EVC: variants seen among roughly 807,000 people sequenced by gnomAD.
EVC encodes evC complex member EVC.
Under a neutral mutation model 118.9 loss-of-function variants are expected in EVC, and 116 were observed. That is an observed-to-expected ratio of 0.98 (90% CI 0.84 to 1.14). The LOEUF is 1.14. Among genes scored for constraint, EVC ranks in the 50% most tolerant of loss-of-function variants. EVC has a pLI of 0.00. For synonymous variants in EVC, 619 were observed against 534.7 expected (o/e 1.16, Z -2.18); for missense variants, 1,401 against 1,246.4 (o/e 1.12, Z -1.87).
chr4:5,828,468 C>T, the EVC span: 2 of 1,608,106 alleles, frequency 1.2e-6, no homozygotes, highest in South Asian at 1.1e-5. Context: ...GGTGGGCCCG[C>T]TCCCCTGCAG....
At chr4:5,795,126 C>A (rs563199699) in intron 13 of EVC, among the ~76,000 whole-genome samples, 1 of 152,194 alleles carries the variant, frequency 6.6e-6, no homozygotes, top group Non-Finnish European at 1.5e-5. Context: ...TTTATCCAAT[C>A]CACCATTGAT....
intron 1 of EVC, among the ~76,000 whole-genome samples, chr4:5,713,721 T>G (rs144604582): frequency 7.3e-6 from 1 of 136,698 alleles, no homozygotes; most frequent in East Asian, 2.1e-4. Context: ...CTGACCAACA[T>G]AGAGAAACCC....
chr4:5,787,224 G>A (rs567615394), intron 12 of EVC, among the ~76,000 whole-genome samples: 3 of 152,316 alleles, frequency 2.0e-5, no homozygotes, highest in Admixed American at 6.5e-5. Flanking sequence ...GTCCCCTTGC[G>A]GTAGGCAGCT....
chr4:5,729,260 T>C, intron 2 of EVC, 47 bp from the exon 3 acceptor site: 1 of 1,587,490 alleles, frequency 6.3e-7, no homozygotes. Flanking sequence ...AACTTATCCT[T>C]CATTTTACAG....
chr4:5,741,624 G>A (rs1434339726), intron 5 of EVC, 92 bp from the exon 6 acceptor site: 5 of 722,976 alleles, frequency 6.9e-6, no homozygotes, highest in African/African-American at 5.2e-5. Flanking sequence ...AGAGGCAGTG[G>A]GGGAGGGAGG....
At position 5,733,574 on chromosome 4, in the gene EVC, G is replaced by A. The variant is rs188183484; in HGVS notation, c.702+139G>A. The A allele has an allele frequency of 1.8e-5, 15 of 812,150 alleles. 1 individual carries two copies. In the East Asian group the frequency reaches 2.3e-4, roughly 12 times the overall value. 50.3% of individuals were successfully genotyped at this position (812,150 alleles called of 1,614,324 possible). On this transcript the variant is annotated intron_variant, in intron 5 of 20. Transcript: ENST00000264956. Reference sequence around the variant, plus strand: ...GAGCCGCTGTGAGGTGGGGGAAAGCGGCGCTGTCAGGCATGCAGCCACAAA... The same window carrying A: ...GAGCCGCTGTGAGGTGGGGGAAAGCAGCGCTGTCAGGCATGCAGCCACAAA...
At chr4:5,784,710 C>A (rs1464726064) in intron 12 of EVC, among the ~76,000 whole-genome samples, 2 of 147,714 alleles carry the variant, frequency 1.4e-5, no homozygotes, top group Non-Finnish European at 3.0e-5. Context: ...CAGGTTCAAG[C>A]GATTCTCCTG....
chr4:5,827,916 T>C, the EVC span: 2 of 525,330 alleles, frequency 3.8e-6, no homozygotes, highest in Non-Finnish European at 4.9e-6. Context: ...GAATAGAGCC[T>C]GCTCCTTCCC....
the EVC span, chr4:5,821,719 T>A: frequency 1.3e-6 from 2 of 1,541,562 alleles, no homozygotes; most frequent in South Asian, 2.4e-5. The surrounding 1 kb of genome is among the most constrained non-coding windows in gnomAD (Gnocchi z 4.4). Flanking sequence ...ATGGACATGA[T>A]TCCCAGAATC....
In EVC at chr4:5,801,998, G is replaced by C. The variant is rs1715087419; in HGVS notation, c.2353G>C (p.Gly785Arg). Residue 785 changes from glycine (G) to arginine (R), a missense_variant, in exon 16 of 21, where the codon GGT becomes CGT. Physicochemically the swap from Gly to Arg is moderately radical, Grantham distance 125 (BLOSUM62 -2). Coordinates refer to ENST00000264956, the MANE Select transcript of EVC (RefSeq NM_153717.3). Reference sequence around the variant, plus strand: ...GGAGAGCGTCTACGTGACCAGCGCTGGTGTCAGCCGCCTGGTGCAGGCGTA... The same window carrying C: ...GGAGAGCGTCTACGTGACCAGCGCTCGTGTCAGCCGCCTGGTGCAGGCGTA... ...AVESVYVTSA[G>R]VSRLVQAYYQ... is the part of the protein sequence containing the mutation. 1.9e-6 allele frequency: 3 copies of C among 1,614,026 alleles called. No homozygotes were observed. Among genetic ancestry groups the C allele is most frequent in the South Asian group, 2.2e-5 (2 of 91,080 alleles).
At chr4:5,777,262 C>G (rs1263316568) in intron 11 of EVC, among the ~76,000 whole-genome samples, 1 of 152,142 alleles carries the variant, frequency 6.6e-6, no homozygotes, top group Non-Finnish European at 1.5e-5. Flanking sequence ...CCTGGGCAAT[C>G]TAAATAACTT....
At chr4:5,817,733 C>A (rs145910366), downstream of EVC, among the ~76,000 whole-genome samples, 1 of 152,290 alleles carries the variant, frequency 6.6e-6, no homozygotes, top group African/African-American at 2.4e-5. Context: ...TACGCACTTA[C>A]GTCAGAAGAG....
chr4:5,771,805 G>C (rs1734005233), intron 11 of EVC, among the ~76,000 whole-genome samples: 1 of 152,198 alleles, frequency 6.6e-6, no homozygotes, highest in Non-Finnish European at 1.5e-5. Context: ...CCATGACCAA[G>C]GATGCAGGGA....
chr4:5,798,267 C>G lies in EVC; in HGVS notation c.2098-319C>G, dbSNP rs998292957. ...CTTAACTTCTCTGAGCCTTCGTGTC[C>G]TCCTCAGTGCTAGTGTTCAGGTCTC... On this transcript the variant is annotated intron_variant, in intron 14 of 20. Coordinates refer to ENST00000264956, the MANE Select transcript of EVC (RefSeq NM_153717.3). This position sits in a 1 kb window ranked among gnomAD's most constrained non-coding sequence, Gnocchi z 4.1. Among the ~76,000 whole-genome samples, 2 of 152,172 alleles carry G rather than the reference C, an allele frequency of 1.3e-5. No homozygotes were observed. The highest frequency in any genetic ancestry group is 4.8e-5 in the African/African-American group (2 of 41,440).
chr4:5,785,283 A>C (rs1055081971), intron 12 of EVC, among the ~76,000 whole-genome samples: 1 of 152,224 alleles, frequency 6.6e-6, no homozygotes, highest in Non-Finnish European at 1.5e-5. Flanking sequence ...GAGCAGTCTC[A>C]GACAGCCCTG....
intron 11 of EVC, among the ~76,000 whole-genome samples, chr4:5,759,352 C>T (rs1453435506): frequency 1.3e-5 from 2 of 152,178 alleles, no homozygotes; most frequent in African/African-American, 4.8e-5. Context: ...AGGACATGGT[C>T]ACTTCCTTGA....
chr4:5,742,596 T>C lies in EVC; in HGVS notation c.801+782T>C, dbSNP rs151248260. ...GTCTTTACCACCATCATCATCATCCTCATGACCGCTGTCATCACCAACACC... is the reference window on the plus strand; with the variant it reads ...GTCTTTACCACCATCATCATCATCCCCATGACCGCTGTCATCACCAACACC... On this transcript the variant is annotated intron_variant, in intron 6 of 20. Transcript: ENST00000264956. This position sits in a 1 kb window ranked among gnomAD's most constrained non-coding sequence, Gnocchi z 5.2. Among the ~76,000 whole-genome samples the C allele has an allele frequency of 6.6e-6, 1 of 152,310 alleles. No individual in the cohort carries two copies. Among genetic ancestry groups the C allele is most frequent in the African/African-American group, 2.4e-5 (1 of 41,582 alleles).
chr4:5,748,802 ATCCG>A (rs113684606), intron 8 of EVC, among the ~76,000 whole-genome samples: 32,641 of 128,192 alleles, frequency 0.25, 4,442 homozygotes, highest in East Asian at 0.47. Context: ...CCATCCATCC[ATCCG>A]TCTATCCAAT....
intron 2 of EVC, among the ~76,000 whole-genome samples, chr4:5,727,633 A>G (rs1726080514): frequency 6.6e-6 from 1 of 151,596 alleles, no homozygotes; most frequent in African/African-American, 2.4e-5. Context: ...TGTTTTAGAC[A>G]TGAAGTCCTT....
Sources: gnomAD v4.1 joint callset for allele counts (sites outside exome capture counted in the v4.1 genomes callset) on GRCh38, gnomAD v4.1.1 for gene constraint, Gnocchi (gnomAD v3.1) non-coding constraint, MANE v1.5 for transcripts, NCBI Gene and HGNC (gene_info 2026-07-23, HGNC 2026-07-21) for gene names.